Variants in NALF1 observed in about 807,000 individuals in gnomAD.
NALF1 encodes family with sequence similarity 155 member A.
Under a neutral mutation model 48.4 loss-of-function variants are expected in NALF1, and 3 were observed. The observed-to-expected ratio is 0.06, with a 90% CI of 0.03 to 0.16. The LOEUF (loss-of-function observed/expected upper bound fraction) is 0.16, where lower values mean the gene tolerates loss of function less well. NALF1 is among the 10% of genes least tolerant of loss of function. The pLI, the probability that NALF1 is intolerant of heterozygous loss-of-function variation, is 1.00. For synonymous variants in NALF1, 262 were observed against 245.7 expected, an observed-to-expected ratio of 1.07 and a Z score of -0.62; for missense variants, 526 against 571.5, an observed-to-expected ratio of 0.92 and a Z score of 0.81.
intron 1 of NALF1, among the ~76,000 whole-genome samples, chr13:107,447,462 A>G (rs1326203964): frequency 1.3e-5 from 2 of 152,140 alleles, no homozygotes; most frequent in African/African-American, 4.8e-5. Flanking sequence ...AGGTGATAAA[A>G]TCTGCTGGAT....
chr13:107,357,186 T>C (rs1239980661), intron 1 of NALF1, among the ~76,000 whole-genome samples: 1 of 152,174 alleles, frequency 6.6e-6, no homozygotes, highest in African/African-American at 2.4e-5. Flanking sequence ...CAGTTCCACA[T>C]GGCTGTGGAG....
Position 107,176,566 on chromosome 13 carries a change from C to T in NALF1, c.1088-5780G>A, listed in dbSNP as rs530231050. ...CTGAGGCAGGAGAATGGCGTGAACC[C>T]GGGAGGCGGAGCTTGCAGTGAGCCG... On this transcript the variant is annotated intron_variant, in intron 2 of 2. Coordinates refer to ENST00000375915, the MANE Select transcript of NALF1 (RefSeq NM_001080396.3). Among the ~76,000 whole-genome samples, 11 of 151,766 alleles carry T rather than the reference C, an allele frequency of 7.2e-5. No individual in the cohort carries two copies. In the South Asian group the frequency reaches 1.9e-3, roughly 26 times the overall value.
At position 107,612,195 on chromosome 13, in the gene NALF1, C is replaced by T. The variant is rs996070848; in HGVS notation, c.915+253487G>A. Among the ~76,000 whole-genome samples, 3 of 149,652 alleles carry T rather than the reference C, an allele frequency of 2.0e-5. No homozygotes were observed. In the East Asian group the frequency reaches 6.0e-4, roughly 30 times the overall value. On this transcript the variant is annotated intron_variant, in intron 1 of 2. Coordinates refer to ENST00000375915, the MANE Select transcript of NALF1 (RefSeq NM_001080396.3). The stretch of plus-strand genomic sequence containing the variant: ...GAAGGAAGGAAAGAAAACAATAATG[C>T]ATGATTCCAATTATATGAACAATCA...
chr13:107,642,572 G>A lies in NALF1; in HGVS notation c.915+223110C>T, dbSNP rs151197891. On this transcript the variant is annotated intron_variant, in intron 1 of 2. Coordinates refer to ENST00000375915, the MANE Select transcript of NALF1 (RefSeq NM_001080396.3). ...TTAGCTATGTCAACATATAGCTCCT[G>A]AAAATATCACTAGGATTCATCTTAG... 4.1e-3 allele frequency among the ~76,000 whole-genome samples: 619 copies of A among 152,270 alleles called. 8 individuals carry two copies. Among genetic ancestry groups the A allele is most frequent in the African/African-American group, 0.015 (603 of 41,552 alleles).
chr13:107,755,209 C>T (rs150238006), intron 1 of NALF1, among the ~76,000 whole-genome samples: 24 of 152,220 alleles, frequency 1.6e-4, no homozygotes, highest in East Asian at 3.9e-4. Context: ...GTCCTGCCTA[C>T]GGCTCCCTTT....
At chr13:107,601,136 A>G (rs530050553) in intron 1 of NALF1, among the ~76,000 whole-genome samples, 1 of 152,162 alleles carries the variant, frequency 6.6e-6, no homozygotes, top group Non-Finnish European at 1.5e-5. Flanking sequence ...TGATTGCTGT[A>G]GTATCCATTA....
intron 1 of NALF1, among the ~76,000 whole-genome samples, chr13:107,528,681 G>A (rs1876524569): frequency 6.6e-6 from 1 of 152,076 alleles, no homozygotes; most frequent in African/African-American, 2.4e-5. Context: ...AGGTCCTGAG[G>A]AATTACCCCA....
In NALF1 at chr13:107,433,432, A is replaced by G. The variant is rs1379219898; in HGVS notation, c.916-222677T>C. On this transcript the variant is annotated intron_variant, in intron 1 of 2. Transcript: ENST00000375915. ...TAGGGTGATTGCCCATTATATATCAAATTAATCTAGAGTTACAGATTATGG... is the reference window on the plus strand; with the variant it reads ...TAGGGTGATTGCCCATTATATATCAGATTAATCTAGAGTTACAGATTATGG... 8.5e-5 allele frequency among the ~76,000 whole-genome samples: 13 copies of G among 152,250 alleles called. No individual in the cohort carries two copies. In the East Asian group the frequency reaches 2.5e-3, roughly 29 times the overall value.
chr13:107,790,086 T>C (rs567042467), intron 1 of NALF1, among the ~76,000 whole-genome samples: 2 of 152,258 alleles, frequency 1.3e-5, no homozygotes, highest in Admixed American at 6.5e-5. Context: ...TCATAGACCA[T>C]AGGCTAATTT....
At chr13:107,250,520 C>T (rs1239940165) in intron 1 of NALF1, among the ~76,000 whole-genome samples, 1 of 152,030 alleles carries the variant, frequency 6.6e-6, no homozygotes, top group Admixed American at 6.6e-5. Context: ...TACAGTAACA[C>T]TGGATGATAG....
chr13:107,368,255 C>A (rs548388270), intron 1 of NALF1, among the ~76,000 whole-genome samples: 2 of 151,980 alleles, frequency 1.3e-5, no homozygotes, highest in African/African-American at 2.4e-5. Flanking sequence ...CATATAATGC[C>A]CTTTGTATTA....
chr13:107,536,338 G>C (rs1184833093), intron 1 of NALF1, among the ~76,000 whole-genome samples: 1 of 152,056 alleles, frequency 6.6e-6, no homozygotes, highest in Non-Finnish European at 1.5e-5. Context: ...ATCTGACAAA[G>C]GGCTAATATC....
At chr13:107,732,741 T>A (rs2138537062) in intron 1 of NALF1, among the ~76,000 whole-genome samples, 1 of 152,306 alleles carries the variant, frequency 6.6e-6, no homozygotes. Context: ...ATATTTTACC[T>A]ACTTTCATTG....
At chr13:107,477,499 G>T (rs1444263536) in intron 1 of NALF1, among the ~76,000 whole-genome samples, 6 of 151,850 alleles carry the variant, frequency 4.0e-5, no homozygotes, top group African/African-American at 1.2e-4. Context: ...ACCTCAAAAA[G>T]CCCACAAATA....
At chr13:107,608,931 G>A (rs1490232549) in intron 1 of NALF1, among the ~76,000 whole-genome samples, 3 of 152,210 alleles carry the variant, frequency 2.0e-5, no homozygotes, top group Non-Finnish European at 4.4e-5. Context: ...CCTGTGCTGG[G>A]CCGGGCACCA....
At chr13:107,523,419 C>T (rs909629692) in intron 1 of NALF1, among the ~76,000 whole-genome samples, 9 of 152,002 alleles carry the variant, frequency 5.9e-5, no homozygotes, top group East Asian at 1.9e-4. Context: ...ATGTGCACAA[C>T]GTGCAGGTTT....
intron 1 of NALF1, among the ~76,000 whole-genome samples, chr13:107,609,971 G>C (rs1879182694): frequency 6.6e-6 from 1 of 152,090 alleles, no homozygotes; most frequent in Non-Finnish European, 1.5e-5. Flanking sequence ...CTTCCAAATA[G>C]CAAAGAGAAT....
chr13:107,726,912 CTTGT>C (rs1262614035), intron 1 of NALF1, among the ~76,000 whole-genome samples: 988 of 97,416 alleles, frequency 0.01, 17 homozygotes, highest in East Asian at 0.053. Flanking sequence ...CCGGCAAATT[CTTGT>C]GTGTGTGTGT....
At chr13:107,789,149 G>A (rs2138585481) in intron 1 of NALF1, 1 of 152,288 alleles carries the variant, frequency 6.6e-6, no homozygotes, top group South Asian at 2.1e-4. Context: ...GAAACACGAT[G>A]AAATAACAGA....
Sources: gnomAD v4.1 joint callset for allele counts (sites outside exome capture counted in the v4.1 genomes callset) on GRCh38, gnomAD v4.1.1 for gene constraint, MANE v1.5 for transcripts, NCBI Gene and HGNC (gene_info 2026-07-23, HGNC 2026-07-21) for gene names.